Variants in COBL observed in about 807,000 individuals in gnomAD.
The protein encoded by COBL is protein cordon-bleu.
A neutral mutation model predicts 98.8 loss-of-function variants in COBL; 51 were observed. The observed-to-expected ratio is 0.52, with a 90% CI of 0.41 to 0.65. The LOEUF is 0.65. Ranked by LOEUF, COBL falls within the 30% of genes least tolerant of loss-of-function variation. The pLI, the probability that COBL is intolerant of heterozygous loss-of-function variation, is 0.00. For synonymous variants in COBL, 634 were observed against 651.7 expected, an observed-to-expected ratio of 0.97 and a Z score of 0.41; for missense variants, 1,617 against 1,617.5, an observed-to-expected ratio of 1.00 and a Z score of 0.01.
chr7:51,207,722 T>C (rs1249150415), intron 2 of COBL, among the ~76,000 whole-genome samples: 3 of 152,272 alleles, frequency 2.0e-5, no homozygotes, highest in Admixed American at 2.0e-4. Flanking sequence ...GGAGTCTCGT[T>C]CACTCAGTGC....
At chr7:51,099,874 C>T (rs1220203638) in intron 6 of COBL, among the ~76,000 whole-genome samples, 1 of 152,102 alleles carries the variant, frequency 6.6e-6, no homozygotes, top group Non-Finnish European at 1.5e-5. Context: ...TCTGTTAATA[C>T]CTACTTATCA....
chr7:51,316,756 CCGGCGGAGGACAG>C lies in COBL; in HGVS notation c.-136_-124del. The stretch of plus-strand genomic sequence containing the variant: ...CTGACCCATCGTCCTCCCACGCGGG[CCGGCGGAGGACAG>C]CGGCGGAGCGCGGCGGACGGAAGGG... On this transcript the variant is annotated 5_prime_UTR_variant, in exon 1 of 13. Coordinates refer to ENST00000265136, the MANE Select transcript of COBL (RefSeq NM_015198.5). The C allele has an allele frequency of 1.3e-6, 1 of 775,660 alleles. No individual in the cohort carries two copies. The highest frequency in any genetic ancestry group is 1.7e-6 in the Non-Finnish European group (1 of 583,298). 48.0% of individuals were successfully genotyped at this position (775,660 alleles called of 1,614,324 possible).
chr7:51,315,630 G>A (rs1584481798), intron 1 of COBL, among the ~76,000 whole-genome samples: 4 of 131,878 alleles, frequency 3.0e-5, no homozygotes, highest in Admixed American at 2.2e-4. Context: ...GAGCGAGTTC[G>A]AAGGTCCCCG....
intron 12 of COBL, among the ~76,000 whole-genome samples, chr7:51,018,195 G>A (rs920099755): frequency 2.0e-5 from 3 of 152,052 alleles, no homozygotes; most frequent in African/African-American, 7.2e-5. Flanking sequence ...TAATCGTGGT[G>A]GTGGTGATGG....
chr7:51,067,863 T>C (rs1005000123), intron 7 of COBL, among the ~76,000 whole-genome samples: 2 of 152,250 alleles, frequency 1.3e-5, no homozygotes, highest in African/African-American at 4.8e-5. Flanking sequence ...TTCCCCCTGG[T>C]GGCTGAAATG....
intron 6 of COBL, among the ~76,000 whole-genome samples, chr7:51,088,373 G>A (rs1412143978): frequency 6.7e-6 from 1 of 149,624 alleles, no homozygotes; most frequent in Admixed American, 6.7e-5. Context: ...TCCATTGTAA[G>A]ACTCATGAAT....
chr7:51,233,611 A>G (rs1238395610), intron 1 of COBL, among the ~76,000 whole-genome samples: 1 of 152,170 alleles, frequency 6.6e-6, no homozygotes, highest in African/African-American at 2.4e-5. Flanking sequence ...TTTTGTCAAT[A>G]ACTGAAAAGC....
At chr7:51,266,288 G>A (rs1798193301) in intron 1 of COBL, among the ~76,000 whole-genome samples, 1 of 152,178 alleles carries the variant, frequency 6.6e-6, no homozygotes, top group Non-Finnish European at 1.5e-5. Flanking sequence ...GCTTTAAAGA[G>A]CAACTGATTG....
intron 1 of COBL, among the ~76,000 whole-genome samples, chr7:51,307,811 T>G (rs930766363): frequency 2.0e-5 from 3 of 152,204 alleles, no homozygotes; most frequent in Non-Finnish European, 2.9e-5. Context: ...GTGTAGCAAT[T>G]TAGAGCGTTG....
At chr7:51,251,000 T>G (rs1796683830) in intron 1 of COBL, among the ~76,000 whole-genome samples, 1 of 152,260 alleles carries the variant, frequency 6.6e-6, no homozygotes, top group Non-Finnish European at 1.5e-5. Context: ...TGCTTTAAAT[T>G]ACTATTGAAA....
At chr7:51,233,114 TTTTAAAAA>T (rs1215648082) in intron 1 of COBL, among the ~76,000 whole-genome samples, 10 of 152,212 alleles carry the variant, frequency 6.6e-5, no homozygotes, top group African/African-American at 2.4e-4. Flanking sequence ...CAAATATTAA[TTTTAAAAA>T]TTATTTAATG....
Position 51,026,426 on chromosome 7 carries a change from C to A in COBL, c.3504+120G>T. On this transcript the variant is annotated intron_variant, in intron 11 of 12. Coordinates refer to ENST00000265136, the MANE Select transcript of COBL (RefSeq NM_015198.5). Reference sequence around the variant, plus strand: ...CAGGCTGGGATGGCCACTCTAAAGACAGATGGTTCACCATCCAATCGGAAG... The same window carrying A: ...CAGGCTGGGATGGCCACTCTAAAGAAAGATGGTTCACCATCCAATCGGAAG... The A allele has an allele frequency of 5.2e-6, 7 of 1,354,334 alleles. No individual in the cohort carries two copies. In the South Asian group the frequency reaches 9.8e-5, roughly 19 times the overall value. 83.9% of individuals were successfully genotyped at this position (1,354,334 alleles called of 1,614,324 possible). A position where few individuals can be genotyped will look rare whatever the true frequency, so the allele number is the denominator to read the frequency against.
At position 51,029,290 on chromosome 7, in the gene COBL, G is replaced by A. The variant is rs149617160; in HGVS notation, c.1806C>T (p.Pro602=). 2.8e-5 allele frequency: 45 copies of A among 1,604,930 alleles called. No homozygotes were observed. The highest frequency in any genetic ancestry group is 2.1e-4 in the African/African-American group (16 of 74,836). The part of the protein sequence containing the change: ...KAREEVPALH[P]ASHDVGKGIR... ...TTCCTTTTCCGACGTCATGGGAAGCGGGGTGCAGGGCAGGTACTTCCTCCC... is the reference window on the plus strand; with the variant it reads ...TTCCTTTTCCGACGTCATGGGAAGCAGGGTGCAGGGCAGGTACTTCCTCCC... The change falls in exon 10 of 13, where the codon CCC becomes CCT. Residue 602 remains proline, a synonymous_variant. Coordinates refer to ENST00000265136, the MANE Select transcript of COBL (RefSeq NM_015198.5).
At chr7:51,065,440 G>A in intron 7 of COBL, 1 of 700,832 alleles carries the variant, frequency 1.4e-6, no homozygotes, top group Non-Finnish European at 2.6e-6. Context: ...AGCTTCAGCT[G>A]CTCCATAAAC....
At chr7:51,138,995 A>T (rs541171585) in intron 5 of COBL, among the ~76,000 whole-genome samples, 3 of 152,180 alleles carry the variant, frequency 2.0e-5, no homozygotes, top group Non-Finnish European at 4.4e-5. Context: ...TGCCCTGAGC[A>T]CTTAAGGAAG....
intron 2 of COBL, among the ~76,000 whole-genome samples, chr7:51,214,132 GGCAC>G (rs1792771512): frequency 1.3e-5 from 2 of 152,162 alleles, no homozygotes; most frequent in South Asian, 4.2e-4. Flanking sequence ...TGGACGTGGT[GGCAC>G]GCATCTGCAA....
chr7:51,206,414 C>G (rs1238570298), intron 2 of COBL, among the ~76,000 whole-genome samples: 1 of 151,024 alleles, frequency 6.6e-6, no homozygotes, highest in Non-Finnish European at 1.5e-5. Context: ...ATTGCTTGAA[C>G]CCAGGAGGCA....
intron 6 of COBL, among the ~76,000 whole-genome samples, chr7:51,132,040 G>A (rs1441825978): frequency 6.6e-6 from 1 of 152,242 alleles, no homozygotes; most frequent in Non-Finnish European, 1.5e-5. Context: ...GAGGATGCTG[G>A]TATTGTTTAA....
At chr7:51,226,519 GC>G (rs1459081518) in intron 1 of COBL, among the ~76,000 whole-genome samples, 2 of 92,698 alleles carry the variant, frequency 2.2e-5, no homozygotes, top group East Asian at 4.6e-4. Context: ...GGTCACCACT[GC>G]GTTGAGTGAG....
Sources: gnomAD v4.1 joint callset for allele counts (sites outside exome capture counted in the v4.1 genomes callset) on GRCh38, gnomAD v4.1.1 for gene constraint, MANE v1.5 for transcripts, NCBI Gene and HGNC (gene_info 2026-07-23, HGNC 2026-07-21) for gene names.